The following GUCY1A2 variants were observed in gnomAD, a reference collection of about 807,000 sequenced individuals.
GUCY1A2 encodes the protein guanylate cyclase 1 soluble subunit alpha 2.
A neutral mutation model predicts 63.5 loss-of-function variants in GUCY1A2; 27 were observed. That is an observed-to-expected ratio of 0.43 (90% CI 0.31 to 0.59). The LOEUF (loss-of-function observed/expected upper bound fraction) is 0.59, where lower values mean the gene tolerates loss of function less well. Among genes scored for constraint, GUCY1A2 ranks in the 20% least tolerant of loss-of-function variants. The pLI is 0.11. For synonymous variants in GUCY1A2, 364 were observed against 343.5 expected (o/e 1.06, Z -0.66); for missense variants, 768 against 913.3 (o/e 0.84, Z 2.05).
intron 4 of GUCY1A2, among the ~76,000 whole-genome samples, chr11:106,822,920 G>A (rs1322700136): frequency 2.0e-5 from 3 of 152,026 alleles, no homozygotes; most frequent in East Asian, 3.9e-4. Context: ...GGGAGAATAG[G>A]GAATAGGATA....
chr11:106,870,773 T>C (rs937901807), intron 4 of GUCY1A2, among the ~76,000 whole-genome samples: 21 of 152,162 alleles, frequency 1.4e-4, no homozygotes, highest in African/African-American at 5.1e-4. Flanking sequence ...CTCTCCCATC[T>C]CCATGCTATG....
At chr11:106,892,395 AC>A (rs1340950022) in intron 4 of GUCY1A2, among the ~76,000 whole-genome samples, 1 of 152,078 alleles carries the variant, frequency 6.6e-6, no homozygotes, top group Non-Finnish European at 1.5e-5. Flanking sequence ...TTATAATTGA[AC>A]TTTTGTAATA....
intron 4 of GUCY1A2, among the ~76,000 whole-genome samples, chr11:106,870,326 T>C (rs34047687): frequency 0.21 from 32,163 of 151,978 alleles, 4,022 homozygotes; most frequent in Admixed American, 0.4. Context: ...TTTACATTCA[T>C]ATAATTTAAC....
At chr11:106,708,761 A>G in intron 6 of GUCY1A2, 95 bp from the exon 7 acceptor site, 1 of 738,334 alleles carries the variant, frequency 1.4e-6, no homozygotes, top group Non-Finnish European at 2.0e-6. Flanking sequence ...AATAATAATA[A>G]TAAAAAAAAA....
At chr11:106,738,729 C>A (rs1016653690) in intron 6 of GUCY1A2, among the ~76,000 whole-genome samples, 1 of 152,116 alleles carries the variant, frequency 6.6e-6, no homozygotes, top group African/African-American at 2.4e-5. Flanking sequence ...TCTGAGGCCT[C>A]TTTTCTTTTC....
intron 3 of GUCY1A2, among the ~76,000 whole-genome samples, chr11:106,962,270 G>C (rs1490108696): frequency 6.6e-6 from 1 of 152,044 alleles, no homozygotes; most frequent in Non-Finnish European, 1.5e-5. Context: ...GTGTATATGG[G>C]GCTGGGTGTG....
intron 6 of GUCY1A2, among the ~76,000 whole-genome samples, chr11:106,717,587 T>C (rs1202150788): frequency 3.9e-5 from 6 of 152,194 alleles, no homozygotes; most frequent in Admixed American, 3.9e-4. Context: ...AAGAAGAAAG[T>C]CTTTTAGTAG....
At chr11:106,974,558 G>C (rs959997464) in intron 3 of GUCY1A2, among the ~76,000 whole-genome samples, 1 of 152,020 alleles carries the variant, frequency 6.6e-6, no homozygotes, top group Non-Finnish European at 1.5e-5. Context: ...AAAGATTGTG[G>C]AATCAGTGGC....
intron 3 of GUCY1A2, among the ~76,000 whole-genome samples, chr11:106,954,108 G>A (rs543964751): frequency 6.6e-6 from 1 of 151,922 alleles, no homozygotes. Context: ...GTGATGTTAG[G>A]GTGTCAATTT....
At chr11:106,914,649 T>C (rs1266551589) in intron 4 of GUCY1A2, among the ~76,000 whole-genome samples, 1 of 151,436 alleles carries the variant, frequency 6.6e-6, no homozygotes, top group Non-Finnish European at 1.5e-5. Context: ...ATTAAATAAA[T>C]ATATTAAAAA....
intron 3 of GUCY1A2, among the ~76,000 whole-genome samples, chr11:106,954,236 A>C (rs1368234864): frequency 6.6e-6 from 1 of 152,074 alleles, no homozygotes; most frequent in African/African-American, 2.4e-5. Flanking sequence ...GTTTCAAAAA[A>C]CTTTTTGATT....
chr11:106,837,200 A>G (rs1043648165), intron 4 of GUCY1A2, among the ~76,000 whole-genome samples: 6 of 151,908 alleles, frequency 3.9e-5, no homozygotes, highest in Admixed American at 3.9e-4. Flanking sequence ...CTTTGTGTCC[A>G]TGAGTTCTCA....
chr11:106,904,020 C>A (rs555128663), intron 4 of GUCY1A2, among the ~76,000 whole-genome samples: 1 of 152,276 alleles, frequency 6.6e-6, no homozygotes, highest in African/African-American at 2.4e-5. Flanking sequence ...CTTCACTAAA[C>A]AGAAAGCCAT....
At chr11:106,768,934 G>T (rs564448889) in intron 6 of GUCY1A2, among the ~76,000 whole-genome samples, 1 of 152,122 alleles carries the variant, frequency 6.6e-6, no homozygotes, top group East Asian at 1.9e-4. Flanking sequence ...ATGACCACAG[G>T]TATAAGGGTA....
chr11:106,995,742 T>C (rs757647750), intron 1 of GUCY1A2, among the ~76,000 whole-genome samples: 1 of 152,228 alleles, frequency 6.6e-6, no homozygotes, highest in Non-Finnish European at 1.5e-5. Context: ...AAACTGACCA[T>C]GTCTAACATC....
intron 4 of GUCY1A2, among the ~76,000 whole-genome samples, chr11:106,830,800 T>TA (rs1174563905): frequency 6.6e-6 from 1 of 152,130 alleles, no homozygotes; most frequent in Non-Finnish European, 1.5e-5. Flanking sequence ...CCCTGACTAG[T>TA]ACAATGAAGT....
At chr11:106,947,015 G>A (rs966817223) in intron 3 of GUCY1A2, among the ~76,000 whole-genome samples, 5 of 151,938 alleles carry the variant, frequency 3.3e-5, no homozygotes, top group African/African-American at 1.2e-4. Context: ...TCAGGAATTC[G>A]AGACCAGCCT....
intron 6 of GUCY1A2, among the ~76,000 whole-genome samples, chr11:106,724,294 C>A (rs1863366344): frequency 1.3e-5 from 2 of 152,256 alleles, no homozygotes; most frequent in Admixed American, 6.5e-5. Context: ...CTCAATTTGT[C>A]AGACCCTTCT....
At chr11:106,947,965 TA>T (rs1860852806) in intron 3 of GUCY1A2, among the ~76,000 whole-genome samples, 2 of 152,110 alleles carry the variant, frequency 1.3e-5, no homozygotes, top group East Asian at 3.9e-4. Context: ...AGAAAGTAAC[TA>T]AATTGGAATA....
Sources: allele counts gnomAD v4.1 joint callset (sites outside exome capture counted in the v4.1 genomes callset), GRCh38; gene constraint gnomAD v4.1.1; transcripts MANE v1.5; gene names NCBI Gene and HGNC (gene_info 2026-07-23, HGNC 2026-07-21).